The following CD2AP variants were observed in gnomAD, a reference collection of about 807,000 sequenced individuals.
The protein encoded by CD2AP is CD2 associated protein.
A neutral mutation model predicts 85.1 loss-of-function variants in CD2AP; 46 were observed. That is an observed-to-expected ratio of 0.54 (90% CI 0.43 to 0.69). CD2AP has a LOEUF of 0.69. CD2AP is among the 30% of genes least tolerant of loss of function. CD2AP has a pLI of 0.00. For missense variants in CD2AP, 769 were observed against 729.5 expected, an observed-to-expected ratio of 1.05 and a Z score of -0.62; for synonymous variants, 255 against 252.9, an observed-to-expected ratio of 1.01 and a Z score of -0.08.
intron 10 of CD2AP, among the ~76,000 whole-genome samples, 190 bp downstream of exon 10, chr6:47,581,090 A>G (rs1768466106): frequency 1.3e-5 from 2 of 152,180 alleles, no homozygotes; most frequent in African/African-American, 4.8e-5. Context: ...CAAATGGTAT[A>G]AAATAGGGAT....
intron 11 of CD2AP, among the ~76,000 whole-genome samples, chr6:47,592,498 G>T (rs1768829318): frequency 6.6e-6 from 1 of 152,034 alleles, no homozygotes; most frequent in African/African-American, 2.4e-5. Flanking sequence ...TTTGTCCCTG[G>T]TTCCTGGCAC....
chr6:47,529,502 T>C (rs1335810960), intron 2 of CD2AP, among the ~76,000 whole-genome samples: 1 of 152,136 alleles, frequency 6.6e-6, no homozygotes, highest in Non-Finnish European at 1.5e-5. Flanking sequence ...CACCCTGAAT[T>C]GGTGGGGATA....
intron 2 of CD2AP, among the ~76,000 whole-genome samples, chr6:47,515,700 A>C (rs1455632826): frequency 6.6e-6 from 1 of 152,160 alleles, no homozygotes; most frequent in African/African-American, 2.4e-5. Flanking sequence ...TATAAATCCT[A>C]GTCATTGAAA....
intron 4 of CD2AP, among the ~76,000 whole-genome samples, chr6:47,552,666 C>T (rs143213569): frequency 7.3e-4 from 111 of 152,264 alleles, no homozygotes; most frequent in African/African-American, 2.1e-3. Flanking sequence ...AACCTAACTC[C>T]TCAGTTGTTG....
chr6:47,619,749 G>T (rs576836133), intron 17 of CD2AP, among the ~76,000 whole-genome samples: 2 of 152,126 alleles, frequency 1.3e-5, no homozygotes, highest in Non-Finnish European at 2.9e-5. Flanking sequence ...TTGATTTTTT[G>T]ATTATGGCCA....
intron 3 of CD2AP, among the ~76,000 whole-genome samples, chr6:47,538,032 C>G (rs922342802): frequency 1.3e-5 from 2 of 151,376 alleles, no homozygotes; most frequent in Non-Finnish European, 2.9e-5. Context: ...ATTACAGACC[C>G]AAGCCACTGC....
intron 5 of CD2AP, among the ~76,000 whole-genome samples, chr6:47,572,861 A>C (rs1331877782): frequency 6.6e-6 from 1 of 152,206 alleles, no homozygotes; most frequent in Admixed American, 6.5e-5. Context: ...CCTGGTACAG[A>C]ATTAGCTCTG....
chr6:47,604,485 T>C (rs147295432), intron 13 of CD2AP, among the ~76,000 whole-genome samples: 3,750 of 152,132 alleles, frequency 0.025, 77 homozygotes, highest in Non-Finnish European at 0.041. Context: ...TCCTGTGTTT[T>C]TCTGTTTCTT....
At chr6:47,484,766 C>A (rs1213507517) in intron 1 of CD2AP, among the ~76,000 whole-genome samples, 1 of 152,082 alleles carries the variant, frequency 6.6e-6, no homozygotes, top group African/African-American at 2.4e-5. Context: ...GTTTTAGTGC[C>A]TTATTAGTGC....
At chr6:47,596,079 T>A in intron 12 of CD2AP, 53 bp downstream of exon 12, 1 of 1,272,094 alleles carries the variant, frequency 7.9e-7, no homozygotes, top group Non-Finnish European at 1.2e-6. Flanking sequence ...CCTTTGACCT[T>A]AATGGCTCTA....
intron 1 of CD2AP, among the ~76,000 whole-genome samples, chr6:47,490,738 G>A (rs768446712): frequency 4.6e-5 from 7 of 152,056 alleles, no homozygotes; most frequent in Admixed American, 3.3e-4. Context: ...ATATAATACT[G>A]TGTAAAAATT....
In CD2AP at chr6:47,612,547, T is replaced by G; in HGVS notation, c.1878+11T>G. 1 of 1,583,260 alleles carries G rather than the reference T, an allele frequency of 6.3e-7. No homozygotes were observed. Among genetic ancestry groups the G allele is most frequent in the Non-Finnish European group, 8.7e-7 (1 of 1,152,828 alleles). ...AGAAGTAATCTAGAGGTAATTAATT[T>G]CTTCCAGCATTGAGAGTTTAGTGAG... On this transcript the variant is annotated intron_variant, in intron 17 of 17. Transcript: ENST00000359314.
intron 1 of CD2AP, among the ~76,000 whole-genome samples, chr6:47,479,492 A>G (rs1234255205): frequency 1.3e-5 from 2 of 152,138 alleles, no homozygotes; most frequent in East Asian, 1.9e-4. Context: ...GGTAACTTTC[A>G]TACTCAAAAG....
intron 4 of CD2AP, among the ~76,000 whole-genome samples, chr6:47,547,608 TA>T (rs1365745374): frequency 6.6e-6 from 1 of 152,072 alleles, no homozygotes; most frequent in African/African-American, 2.4e-5. Flanking sequence ...CTGACAGCAT[TA>T]GACAGGTCAT....
intron 3 of CD2AP, among the ~76,000 whole-genome samples, chr6:47,538,497 C>T (rs1047218424): frequency 2.6e-5 from 4 of 152,134 alleles, no homozygotes; most frequent in East Asian, 1.9e-4. Flanking sequence ...CCACCTGCCT[C>T]GGCCTCCCAA....
intron 17 of CD2AP, among the ~76,000 whole-genome samples, chr6:47,620,036 G>C (rs777261794): frequency 6.6e-6 from 1 of 152,148 alleles, no homozygotes; most frequent in Non-Finnish European, 1.5e-5. Flanking sequence ...TCTGTTGACT[G>C]TTCCATTTGC....
intron 13 of CD2AP, 92 bp downstream of exon 13, chr6:47,599,535 T>C: frequency 1.9e-6 from 2 of 1,043,738 alleles, no homozygotes; most frequent in Non-Finnish European, 2.9e-6. Context: ...TGTGTGTGGA[T>C]AAAGTTGGAT....
At chr6:47,577,543 T>C (rs1768346816) in intron 8 of CD2AP, among the ~76,000 whole-genome samples, 1 of 152,216 alleles carries the variant, frequency 6.6e-6, no homozygotes, top group Non-Finnish European at 1.5e-5. Flanking sequence ...AAACTCTTTT[T>C]ACTCTGGAAA....
At chr6:47,548,589 C>G (rs1479960388) in intron 4 of CD2AP, among the ~76,000 whole-genome samples, 1 of 152,038 alleles carries the variant, frequency 6.6e-6, no homozygotes, top group Non-Finnish European at 1.5e-5. Flanking sequence ...CAAAAAAGAT[C>G]CAGGACCAGA....
Sources: gnomAD v4.1 joint callset for allele counts (sites outside exome capture counted in the v4.1 genomes callset) on GRCh38, gnomAD v4.1.1 for gene constraint, MANE v1.5 for transcripts, NCBI Gene and HGNC (gene_info 2026-07-23, HGNC 2026-07-21) for gene names.